The following TBC1D19 variants were observed in gnomAD, a reference collection of about 807,000 sequenced individuals.
TBC1D19 encodes the protein TBC1 domain family member 19.
A neutral mutation model predicts 89.0 loss-of-function variants in TBC1D19; 60 were observed. The observed-to-expected ratio is 0.67, with a 90% CI of 0.55 to 0.84. The LOEUF is 0.84. Among genes scored for constraint, TBC1D19 ranks in the 40% least tolerant of loss-of-function variants. The pLI is 0.00. For synonymous variants in TBC1D19, 189 were observed against 199.7 expected, an observed-to-expected ratio of 0.95 and a Z score of 0.45; for missense variants, 500 against 610.8, an observed-to-expected ratio of 0.82 and a Z score of 1.91.
At chr4:26,757,759 C>A (rs944656777), downstream of TBC1D19, among the ~76,000 whole-genome samples, 3 of 152,102 alleles carry the variant, frequency 2.0e-5, no homozygotes, top group Non-Finnish European at 4.4e-5. Context: ...TTTTCTCTCC[C>A]CCCAGATTTA....
At chr4:26,734,595 A>G (rs1279784282) in intron 15 of TBC1D19, among the ~76,000 whole-genome samples, 3 of 152,068 alleles carry the variant, frequency 2.0e-5, no homozygotes, top group Non-Finnish European at 4.4e-5. Flanking sequence ...GATTATACTG[A>G]ATTTGTATCG....
upstream of TBC1D19, among the ~76,000 whole-genome samples, chr4:26,581,287 C>T (rs910452128): frequency 6.6e-6 from 1 of 152,066 alleles, no homozygotes; most frequent in African/African-American, 2.4e-5. Flanking sequence ...ATACATGTAC[C>T]ATGGTGGTTT....
the TBC1D19 span, among the ~76,000 whole-genome samples, chr4:26,782,175 A>G: frequency 6.6e-6 from 1 of 152,186 alleles, no homozygotes; most frequent in Non-Finnish European, 1.5e-5. Flanking sequence ...ACTCCCCCCA[A>G]CCCAAAATTT....
At chr4:26,772,465 T>A in the TBC1D19 span, among the ~76,000 whole-genome samples, 1 of 152,178 alleles carries the variant, frequency 6.6e-6, no homozygotes, top group African/African-American at 2.4e-5. Context: ...CATCTTTTTT[T>A]TCCTTCAACT....
chr4:26,838,295 A>C, the TBC1D19 span, among the ~76,000 whole-genome samples: 1 of 152,226 alleles, frequency 6.6e-6, no homozygotes, highest in Non-Finnish European at 1.5e-5. Flanking sequence ...AGAGAGACAC[A>C]GTCTGTGTGA....
intron 11 of TBC1D19, among the ~76,000 whole-genome samples, chr4:26,679,023 G>C (rs1713096270): frequency 6.6e-6 from 1 of 152,130 alleles, no homozygotes; most frequent in Non-Finnish European, 1.5e-5. Context: ...ATAAAAGTTT[G>C]GAAAATTTGC....
At chr4:26,623,429 G>A (rs1742202074) in intron 4 of TBC1D19, among the ~76,000 whole-genome samples, 1 of 151,960 alleles carries the variant, frequency 6.6e-6, no homozygotes, top group Non-Finnish European at 1.5e-5. Flanking sequence ...TCATGCTTGT[G>A]TGGCCCCTAA....
chr4:26,840,452 CGAG>C, the TBC1D19 span, among the ~76,000 whole-genome samples: 1 of 151,818 alleles, frequency 6.6e-6, no homozygotes, highest in African/African-American at 2.4e-5. Flanking sequence ...TGTAGACCTC[CGAG>C]GAGAAGACTG....
At chr4:26,651,830 T>C (rs1462269432) in intron 7 of TBC1D19, among the ~76,000 whole-genome samples, 5 of 152,160 alleles carry the variant, frequency 3.3e-5, no homozygotes, top group African/African-American at 4.8e-5. Context: ...GTCCATTCAG[T>C]ATGATATTGG....
At chr4:26,805,841 CA>C in the TBC1D19 span, among the ~76,000 whole-genome samples, 1 of 152,138 alleles carries the variant, frequency 6.6e-6, no homozygotes, top group South Asian at 2.1e-4. Context: ...ACTAAAAATA[CA>C]AAAATTAAAT....
chr4:26,721,578 T>A (rs567405883), intron 15 of TBC1D19, among the ~76,000 whole-genome samples: 1 of 152,156 alleles, frequency 6.6e-6, no homozygotes, highest in South Asian at 2.1e-4. Context: ...TCTTTTACAC[T>A]GCTCATTTGA....
intron 13 of TBC1D19, among the ~76,000 whole-genome samples, chr4:26,711,108 C>T (rs1177631128): frequency 6.6e-6 from 1 of 152,030 alleles, no homozygotes; most frequent in South Asian, 2.1e-4. Flanking sequence ...TTGCCCATGT[C>T]TATGTCATGG....
At chr4:26,763,361 G>A in the TBC1D19 span, among the ~76,000 whole-genome samples, 1 of 152,134 alleles carries the variant, frequency 6.6e-6, no homozygotes, top group Non-Finnish European at 1.5e-5. Context: ...ACATTTTACA[G>A]CCTGTTCTCC....
intron 1 of TBC1D19, among the ~76,000 whole-genome samples, chr4:26,578,203 T>C (rs890927808): frequency 1.3e-5 from 2 of 152,208 alleles, no homozygotes; most frequent in Non-Finnish European, 2.9e-5. Flanking sequence ...CCGCCAGTTA[T>C]GCAGTAGAGC....
At chr4:26,675,403 AT>A (rs1399881980) in intron 11 of TBC1D19, among the ~76,000 whole-genome samples, 1 of 152,090 alleles carries the variant, frequency 6.6e-6, no homozygotes, top group African/African-American at 2.4e-5. Flanking sequence ...AAAGAAAAAA[AT>A]TTTTAAGGTG....
chr4:26,764,790 G>A, the TBC1D19 span, among the ~76,000 whole-genome samples: 2 of 152,100 alleles, frequency 1.3e-5, no homozygotes, highest in Admixed American at 1.3e-4. Flanking sequence ...TGGATTAAAG[G>A]TTACAACAAA....
chr4:26,822,537 C>G, the TBC1D19 span, among the ~76,000 whole-genome samples: 1 of 152,038 alleles, frequency 6.6e-6, no homozygotes, highest in Admixed American at 6.5e-5. Context: ...TTTGAAAAAT[C>G]CTGTTTTTGG....
intron 1 of TBC1D19, among the ~76,000 whole-genome samples, chr4:26,594,888 A>T (rs975047224): frequency 3.3e-5 from 5 of 152,212 alleles, no homozygotes; most frequent in Admixed American, 3.3e-4. Context: ...CAACAACGAA[A>T]ACCTGGTATA....
chr4:26,588,948 A>G (rs1739598950), intron 1 of TBC1D19, among the ~76,000 whole-genome samples: 1 of 151,964 alleles, frequency 6.6e-6, no homozygotes, highest in Non-Finnish European at 1.5e-5. Flanking sequence ...ATAGACAAGG[A>G]TCAAGCTGGG....
Sources: allele counts gnomAD v4.1 joint callset (sites outside exome capture counted in the v4.1 genomes callset), GRCh38; gene constraint gnomAD v4.1.1; transcripts MANE v1.5; gene names NCBI Gene and HGNC (gene_info 2026-07-23, HGNC 2026-07-21).